The following TYR variants were observed in gnomAD, a reference collection of about 807,000 sequenced individuals.
TYR encodes tyrosinase.
In TYR, 58 loss-of-function variants were observed where a neutral mutation model predicts 51.5. That is an observed-to-expected ratio of 1.13 (90% CI 0.91 to 1.40). The LOEUF is 1.40. TYR is among the 40% of genes most tolerant of loss of function. The pLI is 0.00. For synonymous variants in TYR, 263 were observed against 235.2 expected, an observed-to-expected ratio of 1.12 and a Z score of -1.08; for missense variants, 732 against 647.4, an observed-to-expected ratio of 1.13 and a Z score of -1.42.
rs1052900893 is a variant in TYR, at chr11:89,178,047, G to T, written c.94G>T (p.Glu32Ter). The T allele has an allele frequency of 6.2e-7, 1 of 1,614,202 alleles. No homozygotes were observed. The highest frequency in any genetic ancestry group is 1.7e-5 in the Admixed American group (1 of 60,036). Residue 32 changes from glutamate to a stop codon, truncating the protein, a stop_gained, in exon 1 of 5, where the codon GAG (glutamate) becomes TAG (stop). Transcript: ENST00000263321. LOFTEE classifies it high-confidence loss of function. ...RACVSSKNLM[E>*]KECCPPWSGD... ...CTGTGTCTCCTCTAAGAACCTGATG[G>T]AGAAGGAATGCTGTCCACCGTGGAG...
At chr11:89,262,066 A>T (rs60233998) in intron 3 of TYR, among the ~76,000 whole-genome samples, 3,043 of 151,188 alleles carry the variant, frequency 0.02, 124 homozygotes, top group African/African-American at 0.071. Context: ...GAGATTTTTT[A>T]TTTTTTTTTG....
intron 1 of TYR, among the ~76,000 whole-genome samples, chr11:89,187,352 A>C (rs915311152): frequency 2.0e-5 from 3 of 152,154 alleles, no homozygotes; most frequent in African/African-American, 7.2e-5. Context: ...CAAAAATCAA[A>C]GGGGATGTGA....
intron 2 of TYR, chr11:89,191,876 A>G (rs959908499): frequency 1.3e-5 from 4 of 308,128 alleles, no homozygotes; most frequent in African/African-American, 9.1e-5. Flanking sequence ...GAGTAAAGTC[A>G]GTTTTTTCCA....
At chr11:89,215,104 C>T (rs1478275074) in intron 2 of TYR, among the ~76,000 whole-genome samples, 3 of 151,906 alleles carry the variant, frequency 2.0e-5, no homozygotes, top group Admixed American at 2.0e-4. Flanking sequence ...TGAGGAGAAG[C>T]ATAAGCAAAC....
At chr11:89,263,117 TGAA>T (rs1944482687) in intron 3 of TYR, among the ~76,000 whole-genome samples, 1 of 151,648 alleles carries the variant, frequency 6.6e-6, no homozygotes, top group East Asian at 1.9e-4. Flanking sequence ...AGCAAAATAC[TGAA>T]AAACTGCCCA....
At chr11:89,246,802 G>A (rs748094308) in intron 3 of TYR, among the ~76,000 whole-genome samples, 6 of 152,016 alleles carry the variant, frequency 3.9e-5, no homozygotes, top group South Asian at 2.1e-4. Context: ...CCAGAAGGGC[G>A]GCAGTAAGAA....
intron 4 of TYR, among the ~76,000 whole-genome samples, chr11:89,287,617 A>G (rs1258387580): frequency 6.6e-6 from 1 of 151,990 alleles, no homozygotes; most frequent in African/African-American, 2.4e-5. Context: ...GATGACATCA[A>G]TATGACAGGT....
chr11:89,260,001 T>A (rs1356648976), intron 3 of TYR, among the ~76,000 whole-genome samples: 2 of 152,254 alleles, frequency 1.3e-5, no homozygotes, highest in East Asian at 3.9e-4. Context: ...ACTTTGGACA[T>A]GTTATTTCCC....
At chr11:89,208,720 C>T (rs1237896784) in intron 2 of TYR, among the ~76,000 whole-genome samples, 1 of 152,092 alleles carries the variant, frequency 6.6e-6, no homozygotes. Context: ...ATACCCAAAT[C>T]CCTAATTTTG....
At chr11:89,273,404 G>A (rs1459484599) in intron 3 of TYR, among the ~76,000 whole-genome samples, 3 of 151,834 alleles carry the variant, frequency 2.0e-5, no homozygotes, top group Non-Finnish European at 4.4e-5. Context: ...ATGGCTGGCA[G>A]GTGGAGCAGT....
chr11:89,247,086 A>C (rs1944276199), intron 3 of TYR, among the ~76,000 whole-genome samples: 1 of 152,314 alleles, frequency 6.6e-6, no homozygotes, highest in Non-Finnish European at 1.5e-5. Context: ...CCCTAGAACA[A>C]AGAGCGGTTA....
chr11:89,240,967 G>T (rs114836760), intron 3 of TYR, among the ~76,000 whole-genome samples: 2 of 152,148 alleles, frequency 1.3e-5, no homozygotes, highest in Admixed American at 1.3e-4. Flanking sequence ...CGTGGATATG[G>T]GGTTGAAAAG....
intron 3 of TYR, among the ~76,000 whole-genome samples, chr11:89,242,583 G>A (rs1944213268): frequency 6.6e-6 from 1 of 152,162 alleles, no homozygotes; most frequent in East Asian, 1.9e-4. Context: ...TTGGATCTTG[G>A]AGATAAACTA....
intron 3 of TYR, among the ~76,000 whole-genome samples, chr11:89,241,779 G>T (rs914569740): frequency 2.7e-5 from 4 of 146,516 alleles, no homozygotes; most frequent in East Asian, 2.0e-4. Flanking sequence ...TACTATAATA[G>T]ATATTATATA....
chr11:89,191,198 A>C lies in TYR; in HGVS notation c.820-4A>C. The C allele has an allele frequency of 6.2e-6, 10 of 1,613,306 alleles. No homozygotes were observed. The highest frequency in any genetic ancestry group is 7.6e-6 in the Non-Finnish European group (9 of 1,179,524). ...TTTGTTTAACATGAGGGTGTTTTGT[A>C]CAGATTGTCTGTAGCCGATTGGAGG... On this transcript the variant is annotated splice_polypyrimidine_tract_variant and splice_region_variant and intron_variant, in intron 1 of 4. Transcript: ENST00000263321.
intron 1 of TYR, among the ~76,000 whole-genome samples, chr11:89,183,477 G>A (rs906947852): frequency 1.3e-5 from 2 of 152,020 alleles, no homozygotes; most frequent in Non-Finnish European, 2.9e-5. Flanking sequence ...TGTGCTAATA[G>A]GAGGATTAAA....
chr11:89,208,570 G>A (rs577948147), intron 2 of TYR, among the ~76,000 whole-genome samples: 2 of 152,088 alleles, frequency 1.3e-5, no homozygotes, highest in Non-Finnish European at 2.9e-5. Context: ...TTATCACTTT[G>A]TTTTCTGCCA....
chr11:89,202,146 T>C lies in TYR; in HGVS notation c.1036+10728T>C, dbSNP rs778302442. Reference sequence around the variant, plus strand: ...TATATCACATAATTATTTGTATTTATATATTAAACCTTATTATCAATACAA... The same window carrying C: ...TATATCACATAATTATTTGTATTTACATATTAAACCTTATTATCAATACAA... On this transcript the variant is annotated intron_variant, in intron 2 of 4. Transcript: ENST00000263321. 1.4e-4 allele frequency among the ~76,000 whole-genome samples: 21 copies of C among 152,278 alleles called. 1 individual carries two copies. In the South Asian group the frequency reaches 2.5e-3, roughly 18 times the overall value.
At chr11:89,285,582 G>GTCAGTATC (rs1944775721) in intron 4 of TYR, among the ~76,000 whole-genome samples, 1 of 151,760 alleles carries the variant, frequency 6.6e-6, no homozygotes. Flanking sequence ...ATAGAACCAT[G>GTCAGTATC]TCAGTATCTT....
Sources: gnomAD v4.1 joint callset for allele counts (sites outside exome capture counted in the v4.1 genomes callset) on GRCh38, gnomAD v4.1.1 for gene constraint, MANE v1.5 for transcripts, NCBI Gene and HGNC (gene_info 2026-07-23, HGNC 2026-07-21) for gene names.